CLCNKB: variants seen among roughly 807,000 people sequenced by gnomAD.
CLCNKB encodes the protein chloride channel protein ClC-Kb.
Under a neutral mutation model 83.8 loss-of-function variants are expected in CLCNKB, and 74 were observed. That is an observed-to-expected ratio of 0.88 (90% CI 0.73 to 1.07). CLCNKB has a LOEUF of 1.07. CLCNKB is among the 50% of genes least tolerant of loss of function. The pLI is 0.00. For synonymous variants in CLCNKB, 358 were observed against 356.6 expected, an observed-to-expected ratio of 1.00 and a Z score of -0.04; for missense variants, 798 against 893.6, an observed-to-expected ratio of 0.89 and a Z score of 1.36.
intron 15 of CLCNKB, among the ~76,000 whole-genome samples, chr1:16,052,644 G>A (rs2023331288): frequency 6.6e-6 from 1 of 152,312 alleles, no homozygotes; most frequent in East Asian, 1.9e-4. Context: ...ACAGCAGGAG[G>A]ATGAGTATTG....
intron 4 of CLCNKB, 152 bp downstream of exon 4, chr1:16,046,815 T>G: frequency 2.9e-6 from 3 of 1,041,316 alleles, no homozygotes; most frequent in Non-Finnish European, 4.3e-6. Context: ...GGCCAGATCT[T>G]GACTTTTGGG....
chr1:16,049,393 A>G, intron 8 of CLCNKB, 148 bp downstream of exon 8: 1 of 1,518,468 alleles, frequency 6.6e-7, no homozygotes, highest in African/African-American at 1.4e-5. Context: ...TTCTGGGAGG[A>G]TGGAGGGGGC....
At chr1:16,051,445 C>T in intron 12 of CLCNKB, 33 bp from the exon 13 acceptor site, 5 of 1,612,820 alleles carry the variant, frequency 3.1e-6, no homozygotes, top group Non-Finnish European at 4.2e-6. Context: ...CCAGCAGCCT[C>T]TAACCTCTGC....
At chr1:16,050,384 C>T in intron 10 of CLCNKB, 132 bp from the exon 11 acceptor site, 2 of 989,770 alleles carry the variant, frequency 2.0e-6, no homozygotes, top group Non-Finnish European at 3.2e-6. Flanking sequence ...GTTCTGTCCC[C>T]TGGAGCTGGC....
In CLCNKB at chr1:16,046,724, G is replaced by A. The variant is rs796899671; in HGVS notation, c.358+61G>A. On this transcript the variant is annotated intron_variant, in intron 4 of 19. Coordinates refer to ENST00000375679, the MANE Select transcript of CLCNKB (RefSeq NM_000085.5). ...CAAAACCTTCTCAGATCCCAGGGGGGAGTCGGGAAGGGGCAGCCTCATTTC... is the reference window on the plus strand; with the variant it reads ...CAAAACCTTCTCAGATCCCAGGGGGAAGTCGGGAAGGGGCAGCCTCATTTC... 38 of 1,600,254 alleles carry A rather than the reference G, an allele frequency of 2.4e-5. No individual in the cohort carries two copies. In the African/African-American group the frequency reaches 4.3e-4, roughly 18 times the overall value.
At chr1:16,046,301 A>C (rs1166943491) in intron 3 of CLCNKB, among the ~76,000 whole-genome samples, 1 of 152,148 alleles carries the variant, frequency 6.6e-6, no homozygotes, top group Admixed American at 6.5e-5. Flanking sequence ...GGGGAAACTG[A>C]GGCTCAGAGA....
intron 12 of CLCNKB, 64 bp from the exon 13 acceptor site, chr1:16,051,414 C>T: frequency 1.3e-6 from 2 of 1,573,774 alleles, no homozygotes; most frequent in East Asian, 2.2e-5. Context: ...CATGTCCTGT[C>T]CTCCCTTGTC....
chr1:16,044,731 G>C (rs1281398247), intron 2 of CLCNKB, 139 bp downstream of exon 2: 15 of 737,768 alleles, frequency 2.0e-5, no homozygotes, highest in Non-Finnish European at 3.2e-5. Context: ...AAAGTCTCCT[G>C]GGTGGCAGGG....
intron 2 of CLCNKB, among the ~76,000 whole-genome samples, 182 bp from the exon 3 acceptor site, chr1:16,045,376 T>G (rs531443879): frequency 6.6e-6 from 1 of 152,244 alleles, no homozygotes; most frequent in South Asian, 2.1e-4. Flanking sequence ...CACTGTCACC[T>G]CCCACAAATC....
At chr1:16,056,387 C>G (rs1008966924) in intron 18 of CLCNKB, 35 bp from the exon 19 acceptor site, 1 of 1,608,638 alleles carries the variant, frequency 6.2e-7, no homozygotes, top group African/African-American at 1.3e-5. Context: ...TGGGCACCTT[C>G]TACCCTCCAG....
chr1:16,048,420 G>A lies in CLCNKB; in HGVS notation c.576G>A (p.Glu192=). 1.2e-6 allele frequency: 2 copies of A among 1,614,058 alleles called. No individual in the cohort carries two copies. The highest frequency in any genetic ancestry group is 8.5e-7 in the Non-Finnish European group (1 of 1,179,986). Residue 192 remains glutamate, a splice_region_variant and synonymous_variant, in exon 6 of 20, where the codon GAG becomes GAA. Coordinates refer to ENST00000375679, the MANE Select transcript of CLCNKB (RefSeq NM_000085.5). ...GCACCACGACCATCGGGGAGCCTGA[G>A]GTTAGGGACTCGGGGGCTTCCTTGG... ...RVRTTTIGEP[E]NKSKQNEMLV...
Position 16,047,818 on chromosome 1 carries a change from C to T in CLCNKB, c.359-87C>T, listed in dbSNP as rs974079866. On this transcript the variant is annotated intron_variant, in intron 4 of 19. Transcript: ENST00000375679. ...GAGGGTTCTGCTGATCTGGCGAGAT[C>T]GTAATGTGAAAACATCACACAGGTA... 2.8e-4 allele frequency: 400 copies of T among 1,440,246 alleles called. 1 individual carries two copies. Among genetic ancestry groups the T allele is most frequent in the Non-Finnish European group, 3.5e-4 (362 of 1,026,480 alleles). 89.2% of individuals were successfully genotyped at this position (1,440,246 alleles called of 1,614,324 possible).
In CLCNKB at chr1:16,053,574, C is replaced by T. The variant is rs922590916; in HGVS notation, c.1623-65C>T. The T allele has an allele frequency of 1.1e-5, 17 of 1,611,388 alleles. No individual in the cohort carries two copies. The African/African-American group carries it at 2.3e-4, about 22-fold the overall frequency. On this transcript the variant is annotated intron_variant, in intron 15 of 19. Coordinates refer to ENST00000375679, the MANE Select transcript of CLCNKB (RefSeq NM_000085.5). Reference sequence around the variant, plus strand: ...GGTTCAAGCAAAGCTCCCCACAGATCCCCCTGCCAGCCTGGGTCTCACATC... The same window carrying T: ...GGTTCAAGCAAAGCTCCCCACAGATTCCCCTGCCAGCCTGGGTCTCACATC...
intron 10 of CLCNKB, 22 bp from the exon 11 acceptor site, chr1:16,050,494 A>G: frequency 6.2e-7 from 1 of 1,612,890 alleles, no homozygotes; most frequent in Non-Finnish European, 8.5e-7. Flanking sequence ...GGCCAGCCCT[A>G]GAGCCCACCC....
chr1:16,048,147 G>C (rs2023159331), intron 5 of CLCNKB, 103 bp downstream of exon 5: 1 of 1,495,896 alleles, frequency 6.7e-7, no homozygotes, highest in Non-Finnish European at 9.1e-7. Flanking sequence ...GACTTGGGCT[G>C]GTCCCTGCCT....
At position 16,045,651 on chromosome 1, in the gene CLCNKB, G is replaced by A. The variant is rs2023078284; in HGVS notation, c.194G>A (p.Cys65Tyr). The A allele has an allele frequency of 1.9e-6, 3 of 1,613,956 alleles. No individual in the cohort carries two copies. Among genetic ancestry groups the A allele is most frequent in the African/African-American group, 1.3e-5 (1 of 74,928 alleles). Residue 65 changes from cysteine (C) to tyrosine (Y), a missense_variant, in exon 3 of 20, where the codon TGT becomes TAT. Transcript: ENST00000375679. Reference protein sequence around the residue: ...TLGVLMALVSCAMDLAVESVV... With the variant: ...TLGVLMALVSYAMDLAVESVV... ...GGGGTGCTCATGGCCCTGGTCAGCT[G>A]TGCCATGGACTTGGCTGTTGAGAGT...
rs764958294 is a variant in CLCNKB at position 16,046,572 on chromosome 1, C to T, written c.267C>T (p.His89=). Residue 89 remains histidine (H), a synonymous_variant, in exon 4 of 20, where the codon CAC becomes CAT. Transcript: ENST00000375679. ...TGTACAGGGAGATTGGGGACAGCCA[C>T]CTGCTCCGGTATCTCTCCTGGACTG... is the stretch of plus-strand genomic sequence containing the variant. ...QWLYREIGDS[H]LLRYLSWTVY... 1.5e-5 allele frequency: 24 copies of T among 1,614,036 alleles called. No individual in the cohort carries two copies. The highest frequency in any genetic ancestry group is 1.8e-5 in the Non-Finnish European group (21 of 1,180,030).
intron 17 of CLCNKB, 35 bp from the exon 18 acceptor site, chr1:16,055,640 C>A (rs753814163): frequency 6.2e-7 from 1 of 1,609,564 alleles, no homozygotes; most frequent in Non-Finnish European, 8.5e-7. Flanking sequence ...CCTGGGGAGG[C>A]CAGCCCTGCA....
At position 16,044,239 on chromosome 1, in the gene CLCNKB, AGG is replaced by A. The variant is rs961184180; in HGVS notation, c.-7-243_-7-242del. Among the ~76,000 whole-genome samples, 132 of 35,876 alleles carry A rather than the reference AGG, an allele frequency of 3.7e-3. 1 individual carries two copies. The South Asian group carries it at 0.062, about 17-fold the overall frequency. 23.5% of individuals were successfully genotyped at this position (35,876 alleles called of 152,430 possible). A position where few individuals can be genotyped will look rare whatever the true frequency, so the allele number is the denominator to read the frequency against. On this transcript the variant is annotated intron_variant, in intron 1 of 19. Transcript: ENST00000375679. ...CTGTGCCCAGTCTGCTGCTGGACAC[AGG>A]GGGACACCTAGGAATCCCACCCCCA...
Sources: allele counts gnomAD v4.1 joint callset (sites outside exome capture counted in the v4.1 genomes callset), GRCh38; gene constraint gnomAD v4.1.1; transcripts MANE v1.5; gene names NCBI Gene and HGNC (gene_info 2026-07-23, HGNC 2026-07-21).